DIP2A: variants seen among roughly 807,000 people sequenced by gnomAD.
The protein encoded by DIP2A is DIP2 acetate--CoA ligase A.
Under a neutral mutation model 177.4 loss-of-function variants are expected in DIP2A, and 85 were observed. That is an observed-to-expected ratio of 0.48 (90% CI 0.40 to 0.57). The LOEUF (loss-of-function observed/expected upper bound fraction) is 0.57. DIP2A is among the 20% of genes least tolerant of loss of function. The pLI, the probability that DIP2A is intolerant of heterozygous loss-of-function variation, is 0.00. For synonymous variants in DIP2A, 886 were observed against 881.8 expected (o/e 1.00, Z -0.08); for missense variants, 1,791 against 2,100.2 (o/e 0.85, Z 2.88).
chr21:46,539,702 TCTTC>T (rs2059726202), intron 16 of DIP2A, 171 bp from the exon 17 acceptor site: 1 of 647,678 alleles, frequency 1.5e-6, no homozygotes, highest in African/African-American at 1.8e-5. Context: ...AAAGATACCA[TCTTC>T]CTTGAAGAAC....
chr21:46,472,242 A>G (rs1030130366), intron 1 of DIP2A, among the ~76,000 whole-genome samples: 1 of 152,252 alleles, frequency 6.6e-6, no homozygotes, highest in Non-Finnish European at 1.5e-5. Flanking sequence ...AGGCTTCACC[A>G]GAAATGAACC....
chr21:46,575,696 G>A, the DIP2A span, among the ~76,000 whole-genome samples: 1 of 152,124 alleles, frequency 6.6e-6, no homozygotes, highest in African/African-American at 2.4e-5. Context: ...CCAAGGAGAT[G>A]AAAGACTTAT....
At chr21:46,504,329 A>G (rs751071588) in intron 5 of DIP2A, 32 bp from the exon 6 acceptor site, 1 of 1,611,978 alleles carries the variant, frequency 6.2e-7, no homozygotes, top group African/African-American at 1.3e-5. Context: ...CTTAACAGCC[A>G]CTTTCATTTT....
At chr21:46,462,920 C>G (rs973346599) in intron 1 of DIP2A, 1 of 152,182 alleles carries the variant, frequency 6.6e-6, no homozygotes, top group Non-Finnish European at 1.5e-5. Context: ...GGCGTTGGCC[C>G]TGAGGGAAGG....
At chr21:46,514,166 G>A (rs1048630738) in intron 8 of DIP2A, among the ~76,000 whole-genome samples, 34 of 151,950 alleles carry the variant, frequency 2.2e-4, no homozygotes, top group African/African-American at 8.0e-4. Context: ...TGGGCGCGGT[G>A]GCTCACACCT....
chr21:46,565,626 A>C, intron 35 of DIP2A, 87 bp from the exon 36 acceptor site: 1 of 1,353,292 alleles, frequency 7.4e-7, no homozygotes, highest in Non-Finnish European at 1.0e-6. Flanking sequence ...TTTCTGGAGC[A>C]TTATTCTTGG....
intron 35 of DIP2A, among the ~76,000 whole-genome samples, chr21:46,565,247 C>T (rs116640873): frequency 0.015 from 2,241 of 152,328 alleles, 50 homozygotes; most frequent in African/African-American, 0.051. Flanking sequence ...CACACACACG[C>T]GCGTGGGGCT....
chr21:46,545,563 A>G (rs1301619565), intron 19 of DIP2A, among the ~76,000 whole-genome samples: 3 of 152,194 alleles, frequency 2.0e-5, no homozygotes, highest in African/African-American at 7.2e-5. Context: ...GCCAATAGGA[A>G]GGCACTCACC....
intron 35 of DIP2A, 149 bp from the exon 36 acceptor site, chr21:46,565,564 G>T (rs1731118592): frequency 3.7e-6 from 3 of 814,208 alleles, no homozygotes; most frequent in Non-Finnish European, 5.7e-6. Flanking sequence ...ATTTAACTTA[G>T]TTCATAAAAT....
At chr21:46,545,995 C>T (rs771950002) in intron 20 of DIP2A, 34 bp downstream of exon 20, 7 of 1,613,792 alleles carry the variant, frequency 4.3e-6, no homozygotes, top group Non-Finnish European at 5.9e-6. Context: ...CACTGGCAGT[C>T]AGAGAAGGTA....
intron 1 of DIP2A, among the ~76,000 whole-genome samples, chr21:46,464,700 A>T (rs1446239920): frequency 2.6e-5 from 4 of 151,968 alleles, no homozygotes; most frequent in Non-Finnish European, 5.9e-5. Context: ...CGCATTCCTG[A>T]TAACTAACCT....
chr21:46,546,804 C>G (rs142510621), intron 20 of DIP2A, 111 bp from the exon 21 acceptor site: 43 of 1,278,178 alleles, frequency 3.4e-5, no homozygotes, highest in Non-Finnish European at 4.2e-5. Context: ...GTTTGCAAGG[C>G]GCTAGAGGCT....
chr21:46,531,957 C>G (rs142904146), intron 9 of DIP2A, among the ~76,000 whole-genome samples, 170 bp from the exon 10 acceptor site: 2 of 152,304 alleles, frequency 1.3e-5, no homozygotes, highest in African/African-American at 4.8e-5. Flanking sequence ...GGCCCTGAGT[C>G]AACTGTCTCT....
intron 1 of DIP2A, among the ~76,000 whole-genome samples, chr21:46,464,827 T>C (rs2054661926): frequency 8.9e-6 from 1 of 112,678 alleles, no homozygotes; most frequent in Non-Finnish European, 1.9e-5. Context: ...CTTTTTTTTT[T>C]TTTTTTTTTT....
chr21:46,468,691 A>C (rs1469300711), intron 1 of DIP2A, among the ~76,000 whole-genome samples: 1 of 152,218 alleles, frequency 6.6e-6, no homozygotes, highest in East Asian at 1.9e-4. Context: ...AGTAGAGCTC[A>C]TGTTAAATGT....
chr21:46,557,583 A>G lies in DIP2A; in HGVS notation c.3630-2A>G, dbSNP rs1156282905. ...GAGCCTCACGAGCCTTCCCTCTCGC[A>G]GTGTCTACTCGGGACACCAATCAGT... On this transcript the variant is annotated splice_acceptor_variant, in intron 30 of 37. Transcript: ENST00000417564. LOFTEE classifies it high-confidence loss of function. This position sits in a 1 kb window ranked among gnomAD's most constrained non-coding sequence, Gnocchi z 6.0. The G allele has an allele frequency of 6.2e-7, 1 of 1,605,836 alleles. No homozygotes were observed. Among genetic ancestry groups the G allele is most frequent in the South Asian group, 1.1e-5 (1 of 90,816 alleles).
chr21:46,496,579 T>C (rs948836406), intron 3 of DIP2A, among the ~76,000 whole-genome samples: 1 of 152,052 alleles, frequency 6.6e-6, no homozygotes, highest in East Asian at 1.9e-4. Context: ...CTAAAAAAAA[T>C]TGCAAAAAAA....
chr21:46,496,232 C>T (rs1345747841), intron 3 of DIP2A, among the ~76,000 whole-genome samples: 2 of 152,032 alleles, frequency 1.3e-5, no homozygotes, highest in Non-Finnish European at 2.9e-5. Context: ...TATCTCCTCT[C>T]CCTCATGAGT....
intron 6 of DIP2A, among the ~76,000 whole-genome samples, chr21:46,507,692 C>CTTTT (rs34594717): frequency 2.3e-5 from 1 of 43,946 alleles, no homozygotes; most frequent in Non-Finnish European, 3.8e-5. Flanking sequence ...ATTTTCTGTT[C>CTTTT]TTTTTTTTTT....
Sources: gnomAD v4.1 joint callset for allele counts (sites outside exome capture counted in the v4.1 genomes callset) on GRCh38, gnomAD v4.1.1 for gene constraint, Gnocchi (gnomAD v3.1) non-coding constraint, MANE v1.5 for transcripts, NCBI Gene and HGNC (gene_info 2026-07-23, HGNC 2026-07-21) for gene names.